Variants in SOX5 observed in about 807,000 individuals in gnomAD.
The protein encoded by SOX5 is transcription factor SOX-5.
Under a neutral mutation model 92.0 loss-of-function variants are expected in SOX5, and 9 were observed. The ratio of observed to expected loss-of-function variants is 0.10; its 90% CI spans 0.06 to 0.17. The LOEUF is 0.17. Among genes scored for constraint, SOX5 ranks in the 10% least tolerant of loss-of-function variants. The probability of loss-of-function intolerance (pLI) is 1.00; values close to 1 mark genes in which losing one functional copy is unlikely to be tolerated. For missense variants in SOX5, 642 were observed against 944.5 expected, an observed-to-expected ratio of 0.68 and a Z score of 4.20; for synonymous variants, 344 against 336.3, an observed-to-expected ratio of 1.02 and a Z score of -0.25.
At chr12:24,356,536 T>C (rs1464816334) in intron 2 of SOX5, among the ~76,000 whole-genome samples, 1 of 152,202 alleles carries the variant, frequency 6.6e-6, no homozygotes, top group Non-Finnish European at 1.5e-5. Flanking sequence ...CATTGTTTCC[T>C]GATGTATGCA....
chr12:23,554,383 C>G (rs1307265611), intron 11 of SOX5, among the ~76,000 whole-genome samples: 1 of 151,942 alleles, frequency 6.6e-6, no homozygotes, highest in African/African-American at 2.4e-5. Context: ...GTGCCAAGGG[C>G]TACACATGAC....
intron 1 of SOX5, among the ~76,000 whole-genome samples, chr12:24,419,286 C>T (rs995635417): frequency 9.2e-5 from 14 of 152,106 alleles, no homozygotes; most frequent in African/African-American, 3.1e-4. Flanking sequence ...TACAGGTGCA[C>T]ACCACCATGC....
intron 1 of SOX5, among the ~76,000 whole-genome samples, chr12:23,939,938 T>G (rs1240979219): frequency 1.3e-5 from 2 of 151,184 alleles, no homozygotes; most frequent in African/African-American, 4.8e-5. Flanking sequence ...GTTTGTAATC[T>G]TAGTTGATCT....
At chr12:23,812,469 AT>A (rs968505072) in intron 3 of SOX5, among the ~76,000 whole-genome samples, 113 of 147,392 alleles carry the variant, frequency 7.7e-4, no homozygotes, top group Middle Eastern at 3.5e-3. Context: ...ACAGATGGGG[AT>A]TTTTTTTTTT....
intron 4 of SOX5, among the ~76,000 whole-genome samples, chr12:24,023,801 T>C (rs138618197): frequency 8.5e-4 from 130 of 152,210 alleles, no homozygotes; most frequent in African/African-American, 3.0e-3. Flanking sequence ...GGTATCTGTT[T>C]ATTAATTAAT....
chr12:24,349,018 G>C (rs1192747872), intron 2 of SOX5, among the ~76,000 whole-genome samples: 1 of 152,188 alleles, frequency 6.6e-6, no homozygotes, highest in Non-Finnish European at 1.5e-5. Context: ...CCCAGTCTCA[G>C]GTACGCCTTT....
At chr12:24,415,209 T>C (rs1278455515) in intron 1 of SOX5, among the ~76,000 whole-genome samples, 1 of 152,210 alleles carries the variant, frequency 6.6e-6, no homozygotes, top group Non-Finnish European at 1.5e-5. Context: ...CTTTGCCAGT[T>C]AAAAAACATA....
chr12:24,342,925 C>T (rs1449281657), intron 2 of SOX5, among the ~76,000 whole-genome samples: 1 of 152,202 alleles, frequency 6.6e-6, no homozygotes, highest in African/African-American at 2.4e-5. Context: ...GCTATACTTC[C>T]TGTTAGCCAT....
intron 4 of SOX5, among the ~76,000 whole-genome samples, chr12:24,095,946 A>G (rs1464337267): frequency 6.6e-6 from 1 of 152,132 alleles, no homozygotes; most frequent in Non-Finnish European, 1.5e-5. Flanking sequence ...TCTTTCCTTT[A>G]TAAGTTACCC....
At chr12:23,681,618 A>G (rs2086639462) in intron 6 of SOX5, among the ~76,000 whole-genome samples, 1 of 151,814 alleles carries the variant, frequency 6.6e-6, no homozygotes, top group African/African-American at 2.4e-5. Context: ...TAGACAAAAT[A>G]GACTTTAACA....
In SOX5 at chr12:24,187,242, A is replaced by T. The variant is rs1956104768; in HGVS notation, c.-2+26101T>A. 2.0e-5 allele frequency among the ~76,000 whole-genome samples: 3 copies of T among 152,286 alleles called. No individual in the cohort carries two copies. In the South Asian group the frequency reaches 6.2e-4, roughly 32 times the overall value. The stretch of plus-strand genomic sequence containing the variant: ...AGTGTCATATTTGTGTAATTGATTG[A>T]TCTAAGACTTGGTTGATGAAAAATC... On this transcript the variant is annotated intron_variant, in intron 4 of 4. Transcript: ENST00000446891.
chr12:23,901,177 AGG>A (rs1377116654), intron 1 of SOX5, among the ~76,000 whole-genome samples: 6 of 152,180 alleles, frequency 3.9e-5, no homozygotes, highest in Admixed American at 3.3e-4. Context: ...TCAGAGTCAG[AGG>A]AAGAGACTGG....
chr12:24,075,136 G>A (rs1209195201), intron 4 of SOX5, among the ~76,000 whole-genome samples: 1 of 151,620 alleles, frequency 6.6e-6, no homozygotes, highest in Non-Finnish European at 1.5e-5. Flanking sequence ...GAGCGTGGTG[G>A]TGCTTGCTTG....
chr12:23,918,009 T>G (rs941208586), intron 1 of SOX5, among the ~76,000 whole-genome samples: 5 of 152,182 alleles, frequency 3.3e-5, no homozygotes, highest in African/African-American at 1.2e-4. Flanking sequence ...ATACGTTCCT[T>G]CATTTCATAA....
intron 1 of SOX5, among the ~76,000 whole-genome samples, chr12:24,480,838 C>A (rs900223956): frequency 1.3e-5 from 2 of 151,932 alleles, no homozygotes; most frequent in African/African-American, 4.8e-5. Flanking sequence ...ACTATGGTGA[C>A]CTGTTTGGAG....
At chr12:23,894,991 T>C (rs2097163034) in intron 2 of SOX5, among the ~76,000 whole-genome samples, 2 of 152,154 alleles carry the variant, frequency 1.3e-5, no homozygotes, top group African/African-American at 4.8e-5. Context: ...CCCCACTACC[T>C]TCTTAACATT....
chr12:23,611,847 C>T (rs1249575965), intron 8 of SOX5, among the ~76,000 whole-genome samples: 1 of 151,938 alleles, frequency 6.6e-6, no homozygotes, highest in Non-Finnish European at 1.5e-5. Context: ...TTTTCATCCT[C>T]CCTACATTTC....
chr12:24,227,283 C>A (rs1011927594), intron 3 of SOX5: 1 of 152,170 alleles, frequency 6.6e-6, no homozygotes, highest in Non-Finnish European at 1.5e-5. Context: ...ACTAAAGAGA[C>A]CAGAGCTTCC....
intron 8 of SOX5, among the ~76,000 whole-genome samples, chr12:23,629,132 AG>A (rs2078209370): frequency 6.6e-6 from 1 of 152,074 alleles, no homozygotes; most frequent in Non-Finnish European, 1.5e-5. Context: ...ATCTTTCAAT[AG>A]CTTTCCACAA....
Sources: allele counts gnomAD v4.1 joint callset (sites outside exome capture counted in the v4.1 genomes callset), GRCh38; gene constraint gnomAD v4.1.1; transcripts MANE v1.5; gene names NCBI Gene and HGNC (gene_info 2026-07-23, HGNC 2026-07-21).